Variants in NDST4 observed in about 807,000 individuals in gnomAD.
NDST4 encodes the protein N-heparan sulfate sulfotransferase 4.
Under a neutral mutation model 100.8 loss-of-function variants are expected in NDST4, and 63 were observed. That is an observed-to-expected ratio of 0.62 (90% CI 0.51 to 0.77). NDST4 has a LOEUF of 0.77. Ranked by LOEUF, NDST4 falls within the 30% of genes least tolerant of loss-of-function variation. NDST4 has a pLI of 0.00. For synonymous variants in NDST4, 377 were observed against 361.8 expected (o/e 1.04, Z -0.48); for missense variants, 943 against 1,018.4 (o/e 0.93, Z 1.01).
chr4:115,091,132 T>C (rs894310824), intron 1 of NDST4, among the ~76,000 whole-genome samples: 4 of 152,138 alleles, frequency 2.6e-5, no homozygotes, highest in Non-Finnish European at 5.9e-5. Flanking sequence ...CTACAATTCA[T>C]ATATATCTAA....
chr4:115,004,292 C>T (rs1186762316), intron 2 of NDST4, among the ~76,000 whole-genome samples: 7 of 152,154 alleles, frequency 4.6e-5, no homozygotes, highest in African/African-American at 1.2e-4. Flanking sequence ...TTAACACTTA[C>T]TTGGCTTCAA....
intron 1 of NDST4, among the ~76,000 whole-genome samples, chr4:115,103,404 T>G (rs1729774620): frequency 6.6e-6 from 1 of 152,170 alleles, no homozygotes; most frequent in East Asian, 1.9e-4. Flanking sequence ...CTTCTTTCAT[T>G]GCCACTGCTC....
In NDST4 at chr4:114,986,813, TATATATATATATATATATA is replaced by T. The variant is rs1560845355; in HGVS notation, c.979-9558_979-9540del. ...TTATACATATATATATATATATATA[TATATATATATATATATATA>T]TTTTAATATACTATTCCTATAAGCT... On this transcript the variant is annotated intron_variant, in intron 2 of 13. Coordinates refer to ENST00000264363, the MANE Select transcript of NDST4 (RefSeq NM_022569.3). Among the ~76,000 whole-genome samples the T allele has an allele frequency of 1.1e-4, 14 of 122,906 alleles. 2 individuals carry two copies. The South Asian group carries it at 3.9e-3, about 34-fold the overall frequency. The allele number at this position is 122,906 out of a possible 152,430, so 80.6% of individuals were successfully genotyped here.
chr4:115,056,077 C>T (rs183075336), intron 2 of NDST4, among the ~76,000 whole-genome samples: 282 of 152,134 alleles, frequency 1.9e-3, no homozygotes, highest in African/African-American at 6.2e-3. Flanking sequence ...TTAGGCCAGG[C>T]GCAGTGGCTC....
intron 2 of NDST4, among the ~76,000 whole-genome samples, chr4:114,998,783 T>C (rs1291751214): frequency 6.6e-6 from 1 of 152,056 alleles, no homozygotes; most frequent in Non-Finnish European, 1.5e-5. Flanking sequence ...TATGTTATAT[T>C]TTTCCTTTTT....
intron 1 of NDST4, among the ~76,000 whole-genome samples, chr4:115,077,542 C>A (rs1025830561): frequency 1.3e-5 from 2 of 152,026 alleles, no homozygotes; most frequent in African/African-American, 4.8e-5. Context: ...GTATTGAGAT[C>A]ATTTTCTAAC....
At chr4:114,962,661 C>G (rs932965278) in intron 4 of NDST4, among the ~76,000 whole-genome samples, 1 of 151,882 alleles carries the variant, frequency 6.6e-6, no homozygotes, top group African/African-American at 2.4e-5. Flanking sequence ...GAAATTATAG[C>G]CGACCCAAAT....
chr4:114,936,213 A>T (rs1725625540), intron 5 of NDST4, among the ~76,000 whole-genome samples: 1 of 152,108 alleles, frequency 6.6e-6, no homozygotes, highest in Non-Finnish European at 1.5e-5. Context: ...TATGATTTGA[A>T]ATTATGTGAG....
intron 2 of NDST4, among the ~76,000 whole-genome samples, chr4:115,055,456 A>C (rs887625703): frequency 2.0e-5 from 3 of 152,120 alleles, no homozygotes; most frequent in Non-Finnish European, 4.4e-5. Context: ...AAGTTGGCAC[A>C]CACCCTTGAA....
At chr4:115,051,922 G>A (rs1327838349) in intron 2 of NDST4, among the ~76,000 whole-genome samples, 1 of 152,034 alleles carries the variant, frequency 6.6e-6, no homozygotes, top group Non-Finnish European at 1.5e-5. Context: ...TCTCAGAAAA[G>A]TTTCAATGAA....
chr4:114,984,301 C>A (rs997520858), intron 2 of NDST4, among the ~76,000 whole-genome samples: 5 of 152,018 alleles, frequency 3.3e-5, no homozygotes, highest in South Asian at 2.1e-4. Flanking sequence ...GCCTCAGCCT[C>A]CTGAGTAGAT....
At chr4:115,039,838 C>A (rs967908149) in intron 2 of NDST4, among the ~76,000 whole-genome samples, 1 of 151,960 alleles carries the variant, frequency 6.6e-6, no homozygotes, top group Non-Finnish European at 1.5e-5. Flanking sequence ...TTTATATATC[C>A]TTTCTCCCAT....
At chr4:115,039,087 T>C (rs1728294494) in intron 2 of NDST4, among the ~76,000 whole-genome samples, 1 of 138,934 alleles carries the variant, frequency 7.2e-6, no homozygotes, top group Admixed American at 6.9e-5. Context: ...GTGGACTATA[T>C]CTATAAAACA....
chr4:115,073,929 C>T (rs1344634105), intron 2 of NDST4, among the ~76,000 whole-genome samples: 1 of 151,450 alleles, frequency 6.6e-6, no homozygotes, highest in Non-Finnish European at 1.5e-5. Context: ...CTGTTTTTGT[C>T]AATTAAAAAT....
At chr4:114,863,362 C>T (rs571822574) in intron 7 of NDST4, among the ~76,000 whole-genome samples, 5 of 152,328 alleles carry the variant, frequency 3.3e-5, no homozygotes, top group East Asian at 3.9e-4. Context: ...CCAAATCTGG[C>T]GTTCTCTCTG....
intron 7 of NDST4, among the ~76,000 whole-genome samples, chr4:114,859,294 G>A (rs57593545): frequency 6.6e-6 from 1 of 152,142 alleles, no homozygotes; most frequent in Non-Finnish European, 1.5e-5. Flanking sequence ...CTAGACAAAG[G>A]TGGGGGAAAT....
At chr4:114,902,627 T>C (rs1399874428) in intron 6 of NDST4, among the ~76,000 whole-genome samples, 1 of 152,166 alleles carries the variant, frequency 6.6e-6, no homozygotes, top group African/African-American at 2.4e-5. Context: ...TTTGCGGAAA[T>C]TATCTGTCAT....
At chr4:115,110,226 T>A (rs1204452655) in intron 1 of NDST4, among the ~76,000 whole-genome samples, 1 of 151,972 alleles carries the variant, frequency 6.6e-6, no homozygotes, top group African/African-American at 2.4e-5. Flanking sequence ...ACCTCTAACT[T>A]CTTAAGCTTG....
chr4:115,073,230 T>C (rs1455215151), intron 2 of NDST4, among the ~76,000 whole-genome samples: 1 of 151,924 alleles, frequency 6.6e-6, no homozygotes, highest in Non-Finnish European at 1.5e-5. Flanking sequence ...ATGTAAACAG[T>C]ATAGCCACTA....
Sources: allele counts gnomAD v4.1 joint callset (sites outside exome capture counted in the v4.1 genomes callset), GRCh38; gene constraint gnomAD v4.1.1; transcripts MANE v1.5; gene names NCBI Gene and HGNC (gene_info 2026-07-23, HGNC 2026-07-21).